Variants in MATCAP2 observed in about 807,000 individuals in gnomAD.
MATCAP2 encodes putative tyrosine carboxypeptidase MATCAP2.
At chr7:36,337,700 G>A in the MATCAP2 span, 2 of 152,014 alleles carry the variant, frequency 1.3e-5, no homozygotes, top group African/African-American at 4.8e-5. Context: ...TGAGAAAAGG[G>A]AAAAGAGTAG....
chr7:36,359,129 T>C, the MATCAP2 span, among the ~76,000 whole-genome samples: 1 of 152,288 alleles, frequency 6.6e-6, no homozygotes, highest in Non-Finnish European at 1.5e-5. Flanking sequence ...AAATATGAGA[T>C]AACTGCAGAC....
chr7:36,342,086 C>T, the MATCAP2 span, among the ~76,000 whole-genome samples: 1 of 152,034 alleles, frequency 6.6e-6, no homozygotes, highest in African/African-American at 2.4e-5. Flanking sequence ...CCACCTTAAA[C>T]TTTAATTGTC....
At chr7:36,385,035 C>T in the MATCAP2 span, among the ~76,000 whole-genome samples, 2 of 152,022 alleles carry the variant, frequency 1.3e-5, no homozygotes, top group East Asian at 3.8e-4. Context: ...ATTGACACTG[C>T]AAAATTTACA....
At chr7:36,389,880 C>T in the MATCAP2 span, 140 of 1,429,822 alleles carry the variant, frequency 9.8e-5, 1 homozygote, top group Non-Finnish European at 8.4e-5. Flanking sequence ...CACTGGAAGC[C>T]GAGAGGAGAG....
the MATCAP2 span, among the ~76,000 whole-genome samples, chr7:36,388,311 A>C: frequency 1.3e-5 from 2 of 152,196 alleles, no homozygotes; most frequent in South Asian, 2.1e-4. Context: ...AAAAAAAAAA[A>C]AACCCATGGG....
the MATCAP2 span, chr7:36,389,907 A>C: frequency 6.4e-7 from 1 of 1,574,562 alleles, no homozygotes; most frequent in Non-Finnish European, 8.7e-7. Flanking sequence ...TGGTTGTGGG[A>C]GAGTTCCCCC....
chr7:36,362,543 G>T, the MATCAP2 span, among the ~76,000 whole-genome samples: 2 of 152,186 alleles, frequency 1.3e-5, no homozygotes, highest in African/African-American at 4.8e-5. Context: ...AACACTAAAT[G>T]TGCCAGAAAC....
chr7:36,388,707 G>A, the MATCAP2 span, among the ~76,000 whole-genome samples: 4 of 152,202 alleles, frequency 2.6e-5, no homozygotes, highest in Non-Finnish European at 5.9e-5. Context: ...AGCTAGTGTG[G>A]AAAACGGGTC....
the MATCAP2 span, among the ~76,000 whole-genome samples, chr7:36,349,629 A>C: frequency 1.3e-5 from 2 of 152,178 alleles, no homozygotes; most frequent in African/African-American, 4.8e-5. Context: ...GAGTGGGAAA[A>C]TAAGAGGGTA....
chr7:36,370,382 T>A, the MATCAP2 span, among the ~76,000 whole-genome samples: 1 of 152,266 alleles, frequency 6.6e-6, no homozygotes, highest in African/African-American at 2.4e-5. Flanking sequence ...TGAGACAAGA[T>A]GATCGACTTA....
chr7:36,339,815 A>T, the MATCAP2 span, among the ~76,000 whole-genome samples: 1 of 152,176 alleles, frequency 6.6e-6, no homozygotes, highest in African/African-American at 2.4e-5. Context: ...TATCTCTAAG[A>T]AGTATTATGA....
At chr7:36,385,051 A>G in the MATCAP2 span, among the ~76,000 whole-genome samples, 2 of 152,198 alleles carry the variant, frequency 1.3e-5, no homozygotes, top group African/African-American at 4.8e-5. Context: ...TTACATTTGA[A>G]AAAGATCCCT....
the MATCAP2 span, chr7:36,366,999 G>C: frequency 7.6e-7 from 1 of 1,313,978 alleles, no homozygotes; most frequent in Non-Finnish European, 9.6e-7. Context: ...GGCCGCGCAG[G>C]GGCGGGCGGC....
At chr7:36,373,163 T>C in the MATCAP2 span, among the ~76,000 whole-genome samples, 1 of 151,506 alleles carries the variant, frequency 6.6e-6, no homozygotes, top group Non-Finnish European at 1.5e-5. Flanking sequence ...AATCAGTCCT[T>C]TAGCACATAT....
At chr7:36,339,332 T>C in the MATCAP2 span, among the ~76,000 whole-genome samples, 3 of 152,236 alleles carry the variant, frequency 2.0e-5, no homozygotes, top group East Asian at 5.8e-4. Context: ...ATGGCTTCAA[T>C]AGGCTTTGCC....
the MATCAP2 span, among the ~76,000 whole-genome samples, chr7:36,379,649 A>T: frequency 6.6e-6 from 1 of 151,918 alleles, no homozygotes; most frequent in African/African-American, 2.4e-5. Flanking sequence ...ACTGATGGGG[A>T]TATGTTCTGA....
At chr7:36,378,720 G>C in the MATCAP2 span, among the ~76,000 whole-genome samples, 11 of 152,210 alleles carry the variant, frequency 7.2e-5, no homozygotes, top group Admixed American at 6.5e-4. Context: ...GTCTACAGAG[G>C]CAGACAGGCC....
chr7:36,326,797 T>C, the MATCAP2 span: 16 of 1,613,758 alleles, frequency 9.9e-6, no homozygotes, highest in Non-Finnish European at 1.3e-5. Flanking sequence ...AGTCAGTTCA[T>C]TCACTTCCAT....
At chr7:36,349,300 CA>C in the MATCAP2 span, among the ~76,000 whole-genome samples, 1 of 152,150 alleles carries the variant, frequency 6.6e-6, no homozygotes, top group African/African-American at 2.4e-5. Context: ...ACGTGAACTG[CA>C]GACTAGGACC....
Sources: allele counts gnomAD v4.1 joint callset (sites outside exome capture counted in the v4.1 genomes callset), GRCh38; gene constraint gnomAD v4.1.1; transcripts MANE v1.5; gene names NCBI Gene and HGNC (gene_info 2026-07-23, HGNC 2026-07-21).